The following ROBO2 variants were observed in gnomAD, a reference collection of about 807,000 sequenced individuals.
The protein encoded by ROBO2 is roundabout guidance receptor 2, also known as roundabout homolog 2.
In ROBO2, 53 loss-of-function variants were observed where a neutral mutation model predicts 160.8. That is an observed-to-expected ratio of 0.33 (90% CI 0.26 to 0.41). The LOEUF is 0.41. Among genes scored for constraint, ROBO2 ranks in the 10% least tolerant of loss-of-function variants. The pLI, the probability that ROBO2 is intolerant of heterozygous loss-of-function variation, is 1.00. For missense variants in ROBO2, 1,577 were observed against 1,722.4 expected (o/e 0.92, Z 1.49); for synonymous variants, 664 against 611.7 (o/e 1.09, Z -1.26).
chr3:77,487,260 G>A (rs559502250), intron 4 of ROBO2, among the ~76,000 whole-genome samples: 1 of 152,170 alleles, frequency 6.6e-6, no homozygotes, highest in Admixed American at 6.5e-5. Flanking sequence ...TATATTTATT[G>A]AGCATCTGCT....
chr3:77,399,653 C>G (rs1047545164), intron 2 of ROBO2, among the ~76,000 whole-genome samples: 5 of 152,058 alleles, frequency 3.3e-5, no homozygotes, highest in African/African-American at 1.2e-4. Flanking sequence ...ATGATAAGGA[C>G]TTATATAGTA....
At chr3:76,760,196 T>A (rs1490304001) in intron 2 of ROBO2, among the ~76,000 whole-genome samples, 1 of 151,912 alleles carries the variant, frequency 6.6e-6, no homozygotes, top group Non-Finnish European at 1.5e-5. Context: ...CAATAAAACA[T>A]TATTGAAATC....
intron 2 of ROBO2, among the ~76,000 whole-genome samples, chr3:77,428,656 G>A (rs1039918187): frequency 2.0e-5 from 3 of 152,020 alleles, no homozygotes; most frequent in South Asian, 2.1e-4. Context: ...GCGCCCGGCC[G>A]GTAATATTTT....
chr3:76,564,821 TTC>T (rs1185398094), intron 2 of ROBO2, among the ~76,000 whole-genome samples: 3 of 152,244 alleles, frequency 2.0e-5, no homozygotes, highest in African/African-American at 7.2e-5. Context: ...TTCTTGTCTT[TTC>T]TCTCTTTTAA....
rs200483677 is a variant in ROBO2 at position 77,481,103 on chromosome 3, G to C, written c.551G>C (p.Arg184Pro). The change falls in exon 4 of 26, where the codon CGT becomes CCT. Residue 184 changes from arginine (R) to proline (P), a missense_variant. This residue lies in a region of ROBO2 where 940 missense variants were observed against 1,135.5 expected (regional missense o/e 0.83). Coordinates refer to ENST00000461745, the Ensembl canonical transcript of ROBO2. ...CTTTTTGTTTGATTTTAACAGATCC[G>C]TGGTGGAAAACTGATGATCTCCAAT... 8 of 1,611,602 alleles carry C rather than the reference G, an allele frequency of 5.0e-6. No homozygotes were observed. The East Asian group carries it at 1.6e-4, about 31-fold the overall frequency.
chr3:76,269,230 A>T (rs1157221899), intron 2 of ROBO2, among the ~76,000 whole-genome samples: 1 of 152,122 alleles, frequency 6.6e-6, no homozygotes, highest in Non-Finnish European at 1.5e-5. Context: ...ATTTACTCTA[A>T]TGTGGTTATT....
At chr3:77,380,823 C>G (rs113623195) in intron 2 of ROBO2, among the ~76,000 whole-genome samples, 1 of 151,886 alleles carries the variant, frequency 6.6e-6, no homozygotes, top group South Asian at 2.1e-4. Context: ...CGCTGATTAG[C>G]GCTGTCTCAA....
chr3:77,314,349 T>C (rs140915351), intron 2 of ROBO2, among the ~76,000 whole-genome samples: 234 of 152,342 alleles, frequency 1.5e-3, no homozygotes, highest in African/African-American at 5.4e-3. Context: ...TTTTAAGTAT[T>C]GACTTTTTAA....
chr3:76,312,145 A>G (rs1265335147), intron 2 of ROBO2, among the ~76,000 whole-genome samples: 2 of 152,234 alleles, frequency 1.3e-5, no homozygotes, highest in East Asian at 3.9e-4. Context: ...TGGTGCAGAC[A>G]TATCCCACGA....
intron 2 of ROBO2, among the ~76,000 whole-genome samples, chr3:76,201,947 C>G (rs1487865228): frequency 3.4e-5 from 5 of 146,410 alleles, no homozygotes; most frequent in Non-Finnish European, 7.5e-5. Flanking sequence ...ATTCTTCAAA[C>G]CAGCCCACCA....
chr3:76,142,374 T>G (rs771589313), intron 2 of ROBO2, among the ~76,000 whole-genome samples: 4 of 152,020 alleles, frequency 2.6e-5, no homozygotes, highest in Non-Finnish European at 4.4e-5. Flanking sequence ...CTCCTACGTT[T>G]GTTGCAGCAC....
chr3:76,066,465 A>T (rs2068257813), intron 2 of ROBO2, among the ~76,000 whole-genome samples: 1 of 152,122 alleles, frequency 6.6e-6, no homozygotes, highest in African/African-American at 2.4e-5. Flanking sequence ...TTTATAATGA[A>T]CCATTTTCTT....
At chr3:76,045,532 C>T (rs2107787459) in intron 2 of ROBO2, among the ~76,000 whole-genome samples, 1 of 152,088 alleles carries the variant, frequency 6.6e-6, no homozygotes. Context: ...ATAAGTAATG[C>T]CAAAATAAAT....
chr3:76,758,650 T>C (rs1337358545), intron 2 of ROBO2, among the ~76,000 whole-genome samples: 1 of 151,730 alleles, frequency 6.6e-6, no homozygotes, highest in Non-Finnish European at 1.5e-5. Context: ...TTATCCCACC[T>C]CTCTGTTGGG....
intron 2 of ROBO2, among the ~76,000 whole-genome samples, chr3:76,212,843 C>CCTCTCT (rs113091456): frequency 0.87 from 130,149 of 149,140 alleles, 57,541 homozygotes; most frequent in Non-Finnish European, 0.96. Context: ...ACCCATGGAG[C>CCTCTCT]CTCTCTCTCT....
chr3:76,599,647 C>G (rs1268534121), intron 2 of ROBO2, among the ~76,000 whole-genome samples: 10 of 152,178 alleles, frequency 6.6e-5, no homozygotes, highest in Non-Finnish European at 1.5e-4. Flanking sequence ...AATGGTTGAA[C>G]TAATTTACAC....
At chr3:76,750,553 A>G (rs1345669343) in intron 2 of ROBO2, among the ~76,000 whole-genome samples, 2 of 152,106 alleles carry the variant, frequency 1.3e-5, no homozygotes, top group Admixed American at 1.3e-4. Flanking sequence ...AAACCCCATC[A>G]TCTCAGCCCC....
At chr3:76,032,569 T>C (rs1213125426) in intron 2 of ROBO2, among the ~76,000 whole-genome samples, 1 of 152,214 alleles carries the variant, frequency 6.6e-6, no homozygotes, top group Non-Finnish European at 1.5e-5. Flanking sequence ...TTTGTTCTCA[T>C]TGGTTTCAAA....
intron 1 of ROBO2, among the ~76,000 whole-genome samples, chr3:77,086,292 C>T (rs1176338875): frequency 6.6e-6 from 1 of 151,964 alleles, no homozygotes; most frequent in Non-Finnish European, 1.5e-5. Context: ...TTGCTGTGTA[C>T]TCAGCACATG....
Sources: gnomAD v4.1 joint callset for allele counts (sites outside exome capture counted in the v4.1 genomes callset) on GRCh38, gnomAD v4.1.1 for gene constraint, gnomAD v4.1.1 regional missense constraint, MANE v1.5 for transcripts, NCBI Gene and HGNC (gene_info 2026-07-23, HGNC 2026-07-21) for gene names.